Variants in RPS6KA5 observed in about 807,000 individuals in gnomAD.
RPS6KA5 encodes the protein ribosomal protein S6 kinase A5.
A neutral mutation model predicts 85.5 loss-of-function variants in RPS6KA5; 27 were observed. That is an observed-to-expected ratio of 0.32 (90% CI 0.23 to 0.44). The LOEUF (loss-of-function observed/expected upper bound fraction) is 0.44, where lower values mean the gene tolerates loss of function less well. RPS6KA5 is among the 20% of genes least tolerant of loss of function. RPS6KA5 has a pLI of 1.00. For synonymous variants in RPS6KA5, 334 were observed against 348.2 expected, an observed-to-expected ratio of 0.96 and a Z score of 0.46; for missense variants, 811 against 980.9, an observed-to-expected ratio of 0.83 and a Z score of 2.31.
chr14:91,015,806 A>T (rs2041464083), intron 1 of RPS6KA5, among the ~76,000 whole-genome samples: 1 of 152,246 alleles, frequency 6.6e-6, no homozygotes, highest in Non-Finnish European at 1.5e-5. Context: ...CTCATTTTTC[A>T]AGAATAATCC....
At chr14:90,956,414 C>T (rs925844682) in intron 3 of RPS6KA5, among the ~76,000 whole-genome samples, 1 of 152,030 alleles carries the variant, frequency 6.6e-6, no homozygotes, top group Non-Finnish European at 1.5e-5. Context: ...TCTATTTGTA[C>T]CTTTGATAGT....
At chr14:90,921,788 AGATATCTGAACT>A (rs2036413238) in intron 6 of RPS6KA5, among the ~76,000 whole-genome samples, 1 of 152,338 alleles carries the variant, frequency 6.6e-6, no homozygotes, top group Admixed American at 6.5e-5. Flanking sequence ...CTCCACAGCC[AGATATCTGAACT>A]GCATATGTGG....
Position 90,875,193 on chromosome 14 carries a change from A to C in RPS6KA5, c.1996+8T>G, listed in dbSNP as rs2033374750. On this transcript the variant is annotated splice_region_variant and intron_variant, in intron 15 of 16. Coordinates refer to ENST00000614987, the MANE Select transcript of RPS6KA5 (RefSeq NM_004755.4). The stretch of plus-strand genomic sequence containing the variant: ...CATATAAAATGTAAAATTTCATTAG[A>C]TTCTTACCTTGGATCAAATCTTTAG... 8 of 1,609,432 alleles carry C rather than the reference A, an allele frequency of 5.0e-6. No homozygotes were observed. The highest frequency in any genetic ancestry group is 6.8e-6 in the Non-Finnish European group (8 of 1,177,836).
intron 3 of RPS6KA5, among the ~76,000 whole-genome samples, chr14:90,948,253 T>A (rs150612841): frequency 6.6e-6 from 1 of 152,266 alleles, no homozygotes; most frequent in Non-Finnish European, 1.5e-5. Flanking sequence ...ATGGCTCTAA[T>A]AAGATATTTC....
At chr14:91,027,622 G>A (rs761861974) in intron 1 of RPS6KA5, among the ~76,000 whole-genome samples, 3 of 152,138 alleles carry the variant, frequency 2.0e-5, no homozygotes, top group Non-Finnish European at 4.4e-5. Context: ...AATTTCTGTG[G>A]CTTAATATAA....
intron 5 of RPS6KA5, among the ~76,000 whole-genome samples, chr14:90,926,345 C>T (rs1205629913): frequency 2.0e-5 from 3 of 150,006 alleles, no homozygotes; most frequent in Admixed American, 6.7e-5. Context: ...GAGCAGAGAT[C>T]GCACCATTCA....
rs759774735 is a variant in RPS6KA5, at chr14:91,001,085, T to C, written c.175+3A>G. 4 of 1,535,226 alleles carry C rather than the reference T, an allele frequency of 2.6e-6. No homozygotes were observed. Among genetic ancestry groups the C allele is most frequent in the African/African-American group, 2.8e-5 (2 of 72,138 alleles). On this transcript the variant is annotated splice_donor_region_variant and intron_variant, in intron 2 of 16. Coordinates refer to ENST00000614987, the MANE Select transcript of RPS6KA5 (RefSeq NM_004755.4). ...CCTTAAATATAATTAACTTAAGACT[T>C]ACCTCCAGTTCCTAGGACCTTCAGG...
chr14:90,980,867 C>T (rs2039759454), intron 2 of RPS6KA5, among the ~76,000 whole-genome samples: 1 of 152,204 alleles, frequency 6.6e-6, no homozygotes, highest in Admixed American at 6.5e-5. Context: ...ATGGGAGGCT[C>T]TGTTTGAAAA....
chr14:91,056,719 G>C (rs1222530457), intron 1 of RPS6KA5, among the ~76,000 whole-genome samples: 1 of 151,998 alleles, frequency 6.6e-6, no homozygotes, highest in African/African-American at 2.4e-5. Context: ...CTAAATAAGT[G>C]GGTAAGATAA....
intron 14 of RPS6KA5, among the ~76,000 whole-genome samples, chr14:90,889,294 C>CAAAAAAA (rs11450327): frequency 2.8e-5 from 2 of 71,236 alleles, no homozygotes; most frequent in African/African-American, 1.1e-4. Context: ...ACTTTGTCTC[C>CAAAAAAA]AAAAAAAAAA....
chr14:90,876,322 G>A (rs747851162), intron 14 of RPS6KA5, among the ~76,000 whole-genome samples: 1 of 152,140 alleles, frequency 6.6e-6, no homozygotes, highest in Non-Finnish European at 1.5e-5. Flanking sequence ...CTATGGTTAA[G>A]GACTTGAAAA....
chr14:91,044,624 A>G (rs1339777314), intron 1 of RPS6KA5, among the ~76,000 whole-genome samples: 1 of 152,160 alleles, frequency 6.6e-6, no homozygotes, highest in Non-Finnish European at 1.5e-5. Flanking sequence ...CTGTAATTCC[A>G]GCACTTTTGG....
intron 7 of RPS6KA5, 59 bp downstream of exon 7, chr14:90,920,147 G>C: frequency 9.2e-7 from 1 of 1,088,108 alleles, no homozygotes; most frequent in Admixed American, 1.7e-5. Context: ...CCTAACCGCA[G>C]AAATGTGATC....
chr14:90,976,090 T>C (rs2039553737), intron 3 of RPS6KA5, among the ~76,000 whole-genome samples: 1 of 151,784 alleles, frequency 6.6e-6, no homozygotes, highest in South Asian at 2.1e-4. Flanking sequence ...TTTTCTAGTC[T>C]AATACAAAAT....
chr14:90,997,493 C>T (rs527280222), intron 2 of RPS6KA5, among the ~76,000 whole-genome samples: 171 of 152,258 alleles, frequency 1.1e-3, no homozygotes, highest in African/African-American at 3.6e-3. Flanking sequence ...ATCCTCCCAC[C>T]TCAGCCTCCC....
intron 1 of RPS6KA5, among the ~76,000 whole-genome samples, chr14:91,004,811 CA>C (rs796943134): frequency 6.6e-6 from 1 of 151,442 alleles, no homozygotes; most frequent in African/African-American, 2.4e-5. Context: ...ACTAAAAATA[CA>C]AAAAAATTAG....
intron 2 of RPS6KA5, among the ~76,000 whole-genome samples, chr14:90,989,824 T>C (rs1267483375): frequency 6.6e-6 from 1 of 152,158 alleles, no homozygotes; most frequent in Non-Finnish European, 1.5e-5. Flanking sequence ...ACATACTTGA[T>C]AGACTATTAT....
At chr14:90,901,837 T>A (rs142684798) in intron 9 of RPS6KA5, among the ~76,000 whole-genome samples, 91 of 152,336 alleles carry the variant, frequency 6.0e-4, no homozygotes, top group African/African-American at 2.2e-3. Flanking sequence ...GCAGTTAAGA[T>A]TAATTACTGA....
At chr14:91,024,176 A>G (rs2139808225) in intron 1 of RPS6KA5, among the ~76,000 whole-genome samples, 1 of 152,164 alleles carries the variant, frequency 6.6e-6, no homozygotes, top group East Asian at 1.9e-4. Flanking sequence ...TTGTAAATAT[A>G]TTCATCATTT....
Sources: allele counts gnomAD v4.1 joint callset (sites outside exome capture counted in the v4.1 genomes callset), GRCh38; gene constraint gnomAD v4.1.1; transcripts MANE v1.5; gene names NCBI Gene and HGNC (gene_info 2026-07-23, HGNC 2026-07-21).